FGFR2: variants seen among roughly 807,000 people sequenced by gnomAD.
FGFR2 encodes fibroblast growth factor receptor 2.
A neutral mutation model predicts 95.9 loss-of-function variants in FGFR2; 19 were observed. The ratio of observed to expected loss-of-function variants is 0.20; its 90% CI spans 0.14 to 0.29. FGFR2 has a LOEUF of 0.29. Ranked by LOEUF, FGFR2 falls within the 10% of genes least tolerant of loss-of-function variation. The probability of loss-of-function intolerance (pLI) is 1.00; values close to 1 mark genes in which losing one functional copy is unlikely to be tolerated. For synonymous variants in FGFR2, 392 were observed against 393.3 expected (o/e 1.00, Z 0.04); for missense variants, 707 against 1,056.9 (o/e 0.67, Z 4.59).
At chr10:121,557,900 C>G (rs1332018248) in intron 4 of FGFR2, among the ~76,000 whole-genome samples, 1 of 152,164 alleles carries the variant, frequency 6.6e-6, no homozygotes, top group Non-Finnish European at 1.5e-5. Context: ...AATAGCCTTT[C>G]TCCCTGACAT....
intron 9 of FGFR2, among the ~76,000 whole-genome samples, chr10:121,508,086 C>T (rs958790287): frequency 5.3e-5 from 8 of 152,284 alleles, no homozygotes; most frequent in Non-Finnish European, 2.9e-5. Flanking sequence ...AAATACTACA[C>T]CATTTTAAAT....
intron 2 of FGFR2, among the ~76,000 whole-genome samples, chr10:121,577,178 T>TAGAGAGAGAGAGAG (rs1169688456): frequency 0.061 from 320 of 5,204 alleles, 27 homozygotes; most frequent in Admixed American, 0.12. Flanking sequence ...TATATATATA[T>TAGAGAGAGAGAGAG]AGAGAGAGAG....
chr10:121,481,305 G>C (rs192849451), intron 17 of FGFR2, among the ~76,000 whole-genome samples: 161 of 152,104 alleles, frequency 1.1e-3, no homozygotes, highest in African/African-American at 3.7e-3. Context: ...CTGAGAGGGG[G>C]CAAAAAGTGC....
chr10:121,514,637 T>C (rs924180380), intron 9 of FGFR2, among the ~76,000 whole-genome samples: 4 of 152,232 alleles, frequency 2.6e-5, no homozygotes, highest in African/African-American at 9.6e-5. Flanking sequence ...ACAGTTCAGA[T>C]GCACCCCCAG....
chr10:121,547,541 A>G (rs1854707308), intron 5 of FGFR2, among the ~76,000 whole-genome samples: 1 of 151,710 alleles, frequency 6.6e-6, no homozygotes, highest in South Asian at 2.1e-4. Context: ...ACTACAGGTG[A>G]GCACTACTAC....
chr10:121,509,413 GAGGAAGTGT>G (rs975465536), intron 9 of FGFR2, among the ~76,000 whole-genome samples: 8 of 122,446 alleles, frequency 6.5e-5, no homozygotes, highest in Non-Finnish European at 1.2e-4. Context: ...GAGATTAAGT[GAGGAAGTGT>G]TTTTTTTTTT....
rs563933857 is a variant in FGFR2, at chr10:121,589,245, G to T, written c.109+4464C>A. Among the ~76,000 whole-genome samples the T allele has an allele frequency of 3.3e-5, 5 of 152,274 alleles. No individual in the cohort carries two copies. In the South Asian group the frequency reaches 8.3e-4, roughly 25 times the overall value. ...GTAAGGGTAAGCTAGATTAGAGGGA[G>T]TTTTTAACAATTACCCTGGCTAAAC... On this transcript the variant is annotated intron_variant, in intron 2 of 17. Coordinates refer to ENST00000358487, the MANE Select transcript of FGFR2 (RefSeq NM_000141.5).
intron 9 of FGFR2, among the ~76,000 whole-genome samples, chr10:121,509,649 A>T (rs907117501): frequency 7.3e-5 from 11 of 151,448 alleles, no homozygotes; most frequent in African/African-American, 2.7e-4. Context: ...ACGCCCAGCT[A>T]ATTTTGTATT....
At chr10:121,499,954 A>G (rs1847377639) in intron 11 of FGFR2, among the ~76,000 whole-genome samples, 5 of 152,192 alleles carry the variant, frequency 3.3e-5, no homozygotes. Context: ...ATCCCATGAG[A>G]ACCCACAAAA....
chr10:121,512,224 G>A (rs561612217), intron 9 of FGFR2, among the ~76,000 whole-genome samples: 86 of 152,144 alleles, frequency 5.7e-4, no homozygotes, highest in Non-Finnish European at 9.3e-4. Context: ...TGTCATCAAC[G>A]TATCTGCAGG....
chr10:121,482,720 T>A (rs1844919454), intron 17 of FGFR2, among the ~76,000 whole-genome samples: 1 of 152,354 alleles, frequency 6.6e-6, no homozygotes, highest in East Asian at 1.9e-4. Flanking sequence ...TATCTGCATA[T>A]TGAAGGAGCC....
intron 6 of FGFR2, among the ~76,000 whole-genome samples, chr10:121,525,047 A>G (rs1007198211): frequency 2.6e-5 from 4 of 152,254 alleles, no homozygotes; most frequent in Admixed American, 1.3e-4. Flanking sequence ...CTCTTCTAGC[A>G]TGTTTAACTC....
intron 15 of FGFR2, among the ~76,000 whole-genome samples, 177 bp downstream of exon 15, chr10:121,487,177 G>C (rs1480836648): frequency 2.0e-5 from 3 of 152,246 alleles, no homozygotes; most frequent in Non-Finnish European, 4.4e-5. Flanking sequence ...AGGCAGATTA[G>C]TAACAGAGCA....
At position 121,538,575 on chromosome 10, in the gene FGFR2, A is replaced by C. The variant is rs750854474; in HGVS notation, c.748+17T>G. 2 of 1,614,208 alleles carry C rather than the reference A, an allele frequency of 1.2e-6. No individual in the cohort carries two copies. Among genetic ancestry groups the C allele is most frequent in the South Asian group, 2.2e-5 (2 of 91,084 alleles). ...TGGGCTGGTATGCAGCCGCCACACG[A>C]GGAGAGGCAAACTCACCCACAACAT... On this transcript the variant is annotated intron_variant, in intron 6 of 17. Coordinates refer to ENST00000358487, the MANE Select transcript of FGFR2 (RefSeq NM_000141.5).
intron 5 of FGFR2, among the ~76,000 whole-genome samples, chr10:121,548,412 C>A (rs1042067757): frequency 6.6e-6 from 1 of 151,922 alleles, no homozygotes; most frequent in African/African-American, 2.4e-5. Flanking sequence ...AGGCTAAAGG[C>A]TTTCTGCTGG....
At chr10:121,513,919 G>A (rs58307748) in intron 9 of FGFR2, among the ~76,000 whole-genome samples, 106 of 152,284 alleles carry the variant, frequency 7.0e-4, no homozygotes, top group African/African-American at 2.5e-3. Context: ...CAAAACCACT[G>A]CTGACCAACT....
intron 9 of FGFR2, among the ~76,000 whole-genome samples, chr10:121,509,478 T>C (rs1382374425): frequency 7.8e-6 from 1 of 128,506 alleles, no homozygotes; most frequent in Non-Finnish European, 1.6e-5. Context: ...TATCTGTTTC[T>C]TTTCTTTTTT....
rs564784147 is a variant in FGFR2 at position 121,598,170 on chromosome 10, G to A, written c.-359C>T. On this transcript the variant is annotated 5_prime_UTR_variant, in exon 1 of 18. Coordinates refer to ENST00000358487, the MANE Select transcript of FGFR2 (RefSeq NM_000141.5). ...GCATGACGCCCGCGGGCTGCCCTCG[G>A]ATTTGGGGAACGAGAGGAAGAAAGG... is the stretch of plus-strand genomic sequence containing the variant. The A allele has an allele frequency of 5.0e-6, 2 of 398,232 alleles. No homozygotes were observed. The highest frequency in any genetic ancestry group is 4.1e-5 in the African/African-American group (2 of 48,746). The allele number at this position is 398,232 out of a possible 1,614,324, so 24.7% of individuals were successfully genotyped here.
At chr10:121,533,744 A>T (rs1852404798) in intron 6 of FGFR2, among the ~76,000 whole-genome samples, 1 of 152,194 alleles carries the variant, frequency 6.6e-6, no homozygotes, top group African/African-American at 2.4e-5. Flanking sequence ...GTGAACATCA[A>T]ATGAAGAAGT....
Sources: gnomAD v4.1 joint callset for allele counts (sites outside exome capture counted in the v4.1 genomes callset) on GRCh38, gnomAD v4.1.1 for gene constraint, MANE v1.5 for transcripts, NCBI Gene and HGNC (gene_info 2026-07-23, HGNC 2026-07-21) for gene names.